The following GLB1 variants were observed in gnomAD, a reference collection of about 807,000 sequenced individuals.
GLB1 encodes beta-galactosidase.
GLB1 carries 56 observed loss-of-function variants against 74.0 expected under a neutral mutation model. The observed-to-expected ratio is 0.76, with a 90% CI of 0.61 to 0.94. The LOEUF (loss-of-function observed/expected upper bound fraction) is 0.94, where lower values mean the gene tolerates loss of function less well. Ranked by LOEUF, GLB1 falls within the 40% of genes least tolerant of loss-of-function variation. GLB1 has a pLI of 0.00. For synonymous variants in GLB1, 323 were observed against 323.6 expected, an observed-to-expected ratio of 1.00 and a Z score of 0.02; for missense variants, 787 against 845.5, an observed-to-expected ratio of 0.93 and a Z score of 0.86.
At chr3:33,089,559 G>A (rs923340976) in intron 1 of GLB1, among the ~76,000 whole-genome samples, 1 of 152,076 alleles carries the variant, frequency 6.6e-6, no homozygotes, top group African/African-American at 2.4e-5. Flanking sequence ...GAAAATACAA[G>A]AGTATTACTG....
chr3:33,027,097 C>T (rs754565626), intron 10 of GLB1, among the ~76,000 whole-genome samples: 1 of 152,228 alleles, frequency 6.6e-6, no homozygotes, highest in Non-Finnish European at 1.5e-5. Context: ...GACCTGGGAG[C>T]TACCCGAGCT....
the GLB1 span, among the ~76,000 whole-genome samples, chr3:32,985,911 C>T: frequency 1.3e-5 from 2 of 152,096 alleles, no homozygotes; most frequent in South Asian, 4.2e-4. Context: ...AGGGTTTCCC[C>T]ATGTTGGCCA....
chr3:32,981,982 C>A, the GLB1 span, among the ~76,000 whole-genome samples: 1 of 151,986 alleles, frequency 6.6e-6, no homozygotes, highest in African/African-American at 2.4e-5. Context: ...TTGCATATAC[C>A]CTATTTTGTA....
chr3:32,988,913 A>C, the GLB1 span, among the ~76,000 whole-genome samples: 8 of 148,452 alleles, frequency 5.4e-5, no homozygotes, highest in Non-Finnish European at 5.9e-5. Flanking sequence ...ATCTAGTGGA[A>C]GCCCTTGGCA....
intron 4 of GLB1, 146 bp downstream of exon 4, chr3:33,068,084 G>A: frequency 8.9e-7 from 1 of 1,123,310 alleles, no homozygotes; most frequent in South Asian, 1.3e-5. Flanking sequence ...GCGAGGTTTT[G>A]CCATTTTGGC....
intron 11 of GLB1, among the ~76,000 whole-genome samples, chr3:33,022,584 G>C (rs1284885288): frequency 6.7e-4 from 2 of 2,984 alleles, no homozygotes; most frequent in Non-Finnish European, 7.9e-3. Flanking sequence ...TTTTTTTTTT[G>C]AGAGAGTCTC....
intron 5 of GLB1, among the ~76,000 whole-genome samples, chr3:33,060,235 C>T (rs1232806120): frequency 6.6e-6 from 1 of 152,136 alleles, no homozygotes; most frequent in East Asian, 1.9e-4. Flanking sequence ...ATTTGGGGTT[C>T]AAGAAGTAAA....
intron 1 of GLB1, among the ~76,000 whole-genome samples, chr3:33,074,325 G>C (rs1343072346): frequency 3.7e-5 from 1 of 27,082 alleles, no homozygotes; most frequent in Non-Finnish European, 7.0e-5. Flanking sequence ...GAACGAGAAA[G>C]AAGGAAGGAA....
chr3:33,066,965 T>A (rs980568380), intron 4 of GLB1, among the ~76,000 whole-genome samples: 1 of 151,716 alleles, frequency 6.6e-6, no homozygotes, highest in African/African-American at 2.4e-5. Context: ...AGCAATCCAA[T>A]GACACCATCC....
chr3:33,089,564 T>C (rs1700662384), intron 1 of GLB1, among the ~76,000 whole-genome samples: 1 of 152,168 alleles, frequency 6.6e-6, no homozygotes, highest in Non-Finnish European at 1.5e-5. Flanking sequence ...TACAAGAGTA[T>C]TACTGTAGTC....
At position 33,021,607 on chromosome 3, in the gene GLB1, TG is replaced by T. The variant is rs1559385898; in HGVS notation, c.1191del (p.Ile398SerfsTer7). ...AALDILCPSG[P>X]IKSLYPLTFI... ...AATGTCAAGGGATAAAGGCTTTTGA[TG>T]GGCCCAGAGGGACACAGAATGTCCA... On this transcript the variant is annotated frameshift_variant, in exon 12 of 16. Transcript: ENST00000307363. LOFTEE classifies it high-confidence loss of function. The T allele has an allele frequency of 6.2e-7, 1 of 1,614,102 alleles. No individual in the cohort carries two copies. The highest frequency in any genetic ancestry group is 8.5e-7 in the Non-Finnish European group (1 of 1,180,004).
chr3:33,001,613 A>G (rs1559376908), intron 15 of GLB1, among the ~76,000 whole-genome samples: 1 of 152,104 alleles, frequency 6.6e-6, no homozygotes, highest in Non-Finnish European at 1.5e-5. Flanking sequence ...TTTATGAGCT[A>G]TTTCCAGCTA....
intron 2 of GLB1, among the ~76,000 whole-genome samples, chr3:33,070,331 A>G (rs1699845110): frequency 6.6e-6 from 1 of 151,880 alleles, no homozygotes; most frequent in African/African-American, 2.4e-5. Flanking sequence ...AAAATCCAGT[A>G]TCCTACATAA....
chr3:33,040,618 T>TGAC (rs1698460605), intron 10 of GLB1, among the ~76,000 whole-genome samples: 1 of 151,626 alleles, frequency 6.6e-6, no homozygotes, highest in African/African-American at 2.4e-5. Flanking sequence ...CTAAGAACAA[T>TGAC]GACAACAACA....
chr3:32,991,282 G>A, the GLB1 span, among the ~76,000 whole-genome samples: 1 of 152,160 alleles, frequency 6.6e-6, no homozygotes, highest in East Asian at 1.9e-4. Context: ...CTAAACACAG[G>A]CTAAATGAAC....
the GLB1 span, among the ~76,000 whole-genome samples, chr3:32,983,099 A>AT: frequency 6.6e-6 from 1 of 152,120 alleles, no homozygotes; most frequent in Admixed American, 6.6e-5. Flanking sequence ...CAGTTTAAAT[A>AT]TTTGGTATTT....
the GLB1 span, among the ~76,000 whole-genome samples, chr3:32,986,514 C>T: frequency 3.3e-5 from 5 of 152,154 alleles, no homozygotes. Flanking sequence ...GTGTTCTCAA[C>T]ACTGCCCATC....
intron 15 of GLB1, among the ~76,000 whole-genome samples, chr3:33,012,696 C>G (rs1697077782): frequency 6.6e-6 from 1 of 152,174 alleles, no homozygotes; most frequent in South Asian, 2.1e-4. Flanking sequence ...CTTTCTAAGC[C>G]TAAGTCCCCT....
the GLB1 span, among the ~76,000 whole-genome samples, chr3:32,990,712 G>A: frequency 2.0e-5 from 3 of 152,114 alleles, no homozygotes; most frequent in South Asian, 4.1e-4. Flanking sequence ...GGTGGCTCAC[G>A]CCTGTAATCC....
Sources: allele counts gnomAD v4.1 joint callset (sites outside exome capture counted in the v4.1 genomes callset), GRCh38; gene constraint gnomAD v4.1.1; transcripts MANE v1.5; gene names NCBI Gene and HGNC (gene_info 2026-07-23, HGNC 2026-07-21).